TTC7B: variants seen among roughly 807,000 people sequenced by gnomAD.
The protein encoded by TTC7B is tetratricopeptide repeat protein 7B.
In TTC7B, 28 loss-of-function variants were observed where a neutral mutation model predicts 106.8. That is an observed-to-expected ratio of 0.26 (90% confidence interval 0.19 to 0.36). The LOEUF is 0.36. Among genes scored for constraint, TTC7B ranks in the 10% least tolerant of loss-of-function variants. TTC7B has a pLI of 1.00. For missense variants in TTC7B, 862 were observed against 1,076.4 expected (o/e 0.80, Z 2.79); for synonymous variants, 405 against 430.6 (o/e 0.94, Z 0.74).
At position 90,619,328 on chromosome 14, in the gene TTC7B, C is replaced by T. The variant is rs557927081; in HGVS notation, c.1752-1283G>A. ...GCCACTCTTCTTTCACTGTCTCATCCGATTGGACCCTTTACTTCTGCCAAT... is the reference window on the plus strand; with the variant it reads ...GCCACTCTTCTTTCACTGTCTCATCTGATTGGACCCTTTACTTCTGCCAAT... On this transcript the variant is annotated intron_variant, in intron 15 of 19. Coordinates refer to ENST00000328459, the MANE Select transcript of TTC7B (RefSeq NM_001010854.2). 1.5e-4 allele frequency among the ~76,000 whole-genome samples: 23 copies of T among 152,334 alleles called. No individual in the cohort carries two copies. In the South Asian group the frequency reaches 2.1e-3, roughly 14 times the overall value.
rs986168388 is a variant in TTC7B at position 90,533,108 on chromosome 14, C to G, written c.*8260G>C. On this transcript the variant is annotated 3_prime_UTR_variant, in exon 20 of 20. Coordinates refer to ENST00000328459, the MANE Select transcript of TTC7B (RefSeq NM_001010854.2). ...CTAAGGCTCCTAGGAGAGTAGGTGG[C>G]CAGGTCCCGATGCAGGCTCCAGCCC... 2.6e-5 allele frequency: 4 copies of G among 152,472 alleles called. No individual in the cohort carries two copies. Among genetic ancestry groups the G allele is most frequent in the African/African-American group, 9.7e-5 (4 of 41,418 alleles). 9.4% of individuals were successfully genotyped at this position (152,472 alleles called of 1,614,324 possible).
rs1355326562 is a variant in TTC7B, at chr14:90,808,842, A to G, written c.121+7333T>C. Among the ~76,000 whole-genome samples the G allele has an allele frequency of 6.6e-6, 1 of 152,196 alleles. No individual in the cohort carries two copies. The highest frequency in any genetic ancestry group is 2.4e-5 in the African/African-American group (1 of 41,462). On this transcript the variant is annotated intron_variant, in intron 1 of 19. Transcript: ENST00000328459. This position sits in a 1 kb window ranked among gnomAD's most constrained non-coding sequence, Gnocchi z 4.2. Reference sequence around the variant, plus strand: ...GCAGGAATCCACCCACGTGTGGCCAACGTGAATAAGAACCAAAGGCCATTC... The same window carrying G: ...GCAGGAATCCACCCACGTGTGGCCAGCGTGAATAAGAACCAAAGGCCATTC...
Position 90,578,372 on chromosome 14 carries a change from C to G in TTC7B, c.2108-64G>C. 1 of 1,525,060 alleles carries G rather than the reference C, an allele frequency of 6.6e-7. No homozygotes were observed. The highest frequency in any genetic ancestry group is 9.0e-7 in the Non-Finnish European group (1 of 1,115,384). 94.5% of individuals were successfully genotyped at this position (1,525,060 alleles called of 1,614,324 possible). A position where few individuals can be genotyped will look rare whatever the true frequency, so the allele number is the denominator to read the frequency against. On this transcript the variant is annotated intron_variant, in intron 18 of 19. Coordinates refer to ENST00000328459, the MANE Select transcript of TTC7B (RefSeq NM_001010854.2). The surrounding 1 kb of genome is among the most constrained non-coding windows in gnomAD (Gnocchi z 4.7). ...CCCTCTGAGGCCCTGCGAGCAGCCACCACTCTGATGTTCGTGTTCCCTGCA... is the reference window on the plus strand; with the variant it reads ...CCCTCTGAGGCCCTGCGAGCAGCCAGCACTCTGATGTTCGTGTTCCCTGCA...
intron 18 of TTC7B, among the ~76,000 whole-genome samples, chr14:90,582,212 G>GC (rs1195859741): frequency 2.6e-5 from 4 of 152,206 alleles, no homozygotes; most frequent in African/African-American, 4.8e-5. Flanking sequence ...CCTCTTGTTT[G>GC]CCCCCCTCTC....
At chr14:90,573,653 C>G (rs192819027) in intron 19 of TTC7B, among the ~76,000 whole-genome samples, 199 of 152,240 alleles carry the variant, frequency 1.3e-3, no homozygotes, top group Non-Finnish European at 2.4e-3. Context: ...CTCATGGTCC[C>G]TCTCTGGCTC....
intron 4 of TTC7B, among the ~76,000 whole-genome samples, chr14:90,734,254 A>G (rs1293079996): frequency 6.6e-6 from 1 of 151,990 alleles, no homozygotes; most frequent in Non-Finnish European, 1.5e-5. Context: ...CCCCGTCTCT[A>G]CTAAAAATAC....
chr14:90,604,658 G>A (rs1225560118), intron 17 of TTC7B, among the ~76,000 whole-genome samples: 1 of 152,206 alleles, frequency 6.6e-6, no homozygotes, highest in African/African-American at 2.4e-5. Flanking sequence ...CACAGATATA[G>A]AGATTAAATT....
chr14:90,563,078 GGATA>G (rs929215589), intron 19 of TTC7B, among the ~76,000 whole-genome samples: 1 of 152,180 alleles, frequency 6.6e-6, no homozygotes, highest in African/African-American at 2.4e-5. Flanking sequence ...GGAGGGACTA[GGATA>G]GAGTCATGTT....
rs1329374444 is a variant in TTC7B, at chr14:90,742,271, T to TTC, written c.576+2519_576+2520dup. ...CCTTTCTTTCTTTTTTTTCTTTTGTTTCTCTCTCTCTCCTTCCCTCCCTTC... is the reference window on the plus strand; with the variant it reads ...CCTTTCTTTCTTTTTTTTCTTTTGTTTCTCTCTCTCTCTCCTTCCCTCCCTTC... On this transcript the variant is annotated intron_variant, in intron 4 of 19. Transcript: ENST00000328459. The surrounding 1 kb of genome is among the most constrained non-coding windows in gnomAD (Gnocchi z 4.1). Among the ~76,000 whole-genome samples, 1 of 151,844 alleles carries TTC rather than the reference T, an allele frequency of 6.6e-6. No homozygotes were observed. Among genetic ancestry groups the TTC allele is most frequent in the East Asian group, 1.9e-4 (1 of 5,174 alleles).
intron 15 of TTC7B, among the ~76,000 whole-genome samples, chr14:90,638,009 G>A (rs977857620): frequency 5.3e-5 from 8 of 151,930 alleles, no homozygotes; most frequent in Admixed American, 2.0e-4. Context: ...AGCCTTCTGA[G>A]TGGCTGGGAC....
intron 1 of TTC7B, among the ~76,000 whole-genome samples, chr14:90,806,833 C>T (rs1433289333): frequency 2.0e-5 from 3 of 151,982 alleles, no homozygotes; most frequent in South Asian, 4.1e-4. Flanking sequence ...CTTGAGCCTG[C>T]GAGGTTGAGG....
chr14:90,629,516 C>T (rs1264271300), intron 15 of TTC7B, among the ~76,000 whole-genome samples: 4 of 152,182 alleles, frequency 2.6e-5, no homozygotes, highest in African/African-American at 9.6e-5. Flanking sequence ...GGCTACTCTG[C>T]ACGGACAAAG....
Position 90,537,382 on chromosome 14 carries a change from G to GT in TTC7B, c.*3985_*3986insA, listed in dbSNP as rs1206529374. ...TTTTTTTTTGTAGAGATGGGGGGGG[G>GT]GTCTCACCATGTTGCCCAGGCTGGT... On this transcript the variant is annotated 3_prime_UTR_variant, in exon 20 of 20. Coordinates refer to ENST00000328459, the MANE Select transcript of TTC7B (RefSeq NM_001010854.2). The GT allele has an allele frequency of 6.7e-6, 1 of 149,430 alleles. No individual in the cohort carries two copies. Among genetic ancestry groups the GT allele is most frequent in the African/African-American group, 2.5e-5 (1 of 39,908 alleles). The allele number at this position is 149,430 out of a possible 1,614,324, so 9.3% of individuals were successfully genotyped here.
At chr14:90,568,619 C>T (rs375397820) in intron 19 of TTC7B, among the ~76,000 whole-genome samples, 4 of 152,182 alleles carry the variant, frequency 2.6e-5, no homozygotes, top group African/African-American at 4.8e-5. Flanking sequence ...CTTTAGTCCT[C>T]GGTGAGGACA....
rs558348489 is a variant in TTC7B, at chr14:90,743,097, T to C, written c.576+1695A>G. ...TGGATGATCATTCCTTTAAAGATCATATCGTAAATTCTGAATAACAACAAC... is the reference window on the plus strand; with the variant it reads ...TGGATGATCATTCCTTTAAAGATCACATCGTAAATTCTGAATAACAACAAC... On this transcript the variant is annotated intron_variant, in intron 4 of 19. Coordinates refer to ENST00000328459, the MANE Select transcript of TTC7B (RefSeq NM_001010854.2). Among the ~76,000 whole-genome samples, 8 of 152,336 alleles carry C rather than the reference T, an allele frequency of 5.3e-5. No individual in the cohort carries two copies. The East Asian group carries it at 1.5e-3, about 29-fold the overall frequency.
At chr14:90,694,722 G>A (rs1213401899) in intron 6 of TTC7B, among the ~76,000 whole-genome samples, 11 of 42,394 alleles carry the variant, frequency 2.6e-4, no homozygotes, top group Non-Finnish European at 4.0e-4. Flanking sequence ...TATAAAATAG[G>A]TATATTTTAT....
chr14:90,651,494 G>A (rs1198633884), intron 13 of TTC7B, among the ~76,000 whole-genome samples: 1 of 152,238 alleles, frequency 6.6e-6, no homozygotes, highest in African/African-American at 2.4e-5. Context: ...TGTTTTTAGA[G>A]AGCCAGTAAG....
chr14:90,710,267 T>A (rs542802557), intron 5 of TTC7B, among the ~76,000 whole-genome samples: 1 of 152,262 alleles, frequency 6.6e-6, no homozygotes, highest in East Asian at 1.9e-4. Context: ...AGAACTAGAA[T>A]TAGAAGTGGG....
At chr14:90,599,102 G>A (rs1341203031) in intron 17 of TTC7B, among the ~76,000 whole-genome samples, 1 of 152,166 alleles carries the variant, frequency 6.6e-6, no homozygotes, top group Non-Finnish European at 1.5e-5. Flanking sequence ...AGTGAGCTGA[G>A]ATGGCACTCC....
Sources: allele counts gnomAD v4.1 joint callset (sites outside exome capture counted in the v4.1 genomes callset), GRCh38; gene constraint gnomAD v4.1.1; non-coding constraint Gnocchi (gnomAD v3.1); transcripts MANE v1.5; gene names NCBI Gene and HGNC (gene_info 2026-07-23, HGNC 2026-07-21).